DGKH: variants seen among roughly 807,000 people sequenced by gnomAD.
The protein encoded by DGKH is DAG kinase eta.
A neutral mutation model predicts 159.3 loss-of-function variants in DGKH; 90 were observed. The observed-to-expected ratio is 0.57, with a 90% CI of 0.48 to 0.67. The LOEUF (loss-of-function observed/expected upper bound fraction) is 0.67, where lower values mean the gene tolerates loss of function less well. Ranked by LOEUF, DGKH falls within the 30% of genes least tolerant of loss-of-function variation. The pLI, the probability that DGKH is intolerant of heterozygous loss-of-function variation, is 0.00. For synonymous variants in DGKH, 536 were observed against 553.8 expected (o/e 0.97, Z 0.45); for missense variants, 1,181 against 1,506.1 (o/e 0.78, Z 3.57).
intron 1 of DGKH, among the ~76,000 whole-genome samples, chr13:42,102,989 A>G (rs1954680007): frequency 6.6e-6 from 1 of 152,228 alleles, no homozygotes; most frequent in Non-Finnish European, 1.5e-5. Context: ...TGTGTTGAGA[A>G]TTAAGAAGTA....
chr13:42,161,781 C>CAAAAAAA (rs34855614), intron 7 of DGKH, among the ~76,000 whole-genome samples: 1 of 100,572 alleles, frequency 9.9e-6, no homozygotes, highest in Non-Finnish European at 2.1e-5. Context: ...CTCTGCCTCT[C>CAAAAAAA]AAAAAAAAAA....
At chr13:42,053,632 T>A (rs967688279) in intron 1 of DGKH, among the ~76,000 whole-genome samples, 3 of 144,378 alleles carry the variant, frequency 2.1e-5, no homozygotes, top group Non-Finnish European at 3.0e-5. Flanking sequence ...ATATATATAT[T>A]TTTTTGAGAC....
upstream of DGKH, among the ~76,000 whole-genome samples, chr13:42,046,986 C>T (rs1405604949): frequency 6.6e-6 from 1 of 152,054 alleles, no homozygotes; most frequent in African/African-American, 2.4e-5. Flanking sequence ...GAATGAAGGC[C>T]ATTATTTTGA....
chr13:42,067,668 A>C (rs533328601), intron 1 of DGKH, among the ~76,000 whole-genome samples: 1 of 151,914 alleles, frequency 6.6e-6, no homozygotes, highest in East Asian at 1.9e-4. Flanking sequence ...TTAATAGTAC[A>C]TTTCTTGCTT....
At chr13:42,109,971 C>T (rs1022871842) in intron 1 of DGKH, among the ~76,000 whole-genome samples, 2 of 152,034 alleles carry the variant, frequency 1.3e-5, no homozygotes, top group Admixed American at 1.3e-4. Flanking sequence ...ATCTATCTAT[C>T]TATGTATCTA....
chr13:42,210,584 A>G lies in DGKH; in HGVS notation c.2851-18A>G. ...GAGTTCTAAACTAACAATTCGTTAC[A>G]ATATTGACTTTAAATAGGCCTTTGA... On this transcript the variant is annotated intron_variant, in intron 23 of 29. Coordinates refer to ENST00000337343, the MANE Select transcript of DGKH (RefSeq NM_178009.5). 2 of 1,608,250 alleles carry G rather than the reference A, an allele frequency of 1.2e-6. No homozygotes were observed. The highest frequency in any genetic ancestry group is 1.7e-6 in the Non-Finnish European group (2 of 1,178,072).
At chr13:42,183,222 G>A (rs979444468) in intron 13 of DGKH, among the ~76,000 whole-genome samples, 16 of 151,854 alleles carry the variant, frequency 1.1e-4, no homozygotes, top group African/African-American at 3.6e-4. Flanking sequence ...ATGAGAGTTC[G>A]AGGCTGCAGT....
intron 1 of DGKH, among the ~76,000 whole-genome samples, chr13:42,110,402 C>T (rs1249470528): frequency 3.3e-5 from 5 of 152,166 alleles, no homozygotes; most frequent in Admixed American, 1.3e-4. Flanking sequence ...AAAAAACAAA[C>T]GTGATGTCTA....
intron 3 of DGKH, among the ~76,000 whole-genome samples, chr13:42,129,921 T>C (rs1955254873): frequency 6.6e-6 from 1 of 152,210 alleles, no homozygotes; most frequent in African/African-American, 2.4e-5. Flanking sequence ...TTAATTCCAT[T>C]GTTCTTGAAT....
At chr13:42,087,084 C>CACACACACACACA (rs398038514) in intron 1 of DGKH, among the ~76,000 whole-genome samples, 8 of 145,412 alleles carry the variant, frequency 5.5e-5, no homozygotes, top group Admixed American at 1.4e-4. Flanking sequence ...CACACACACA[C>CACACACACACACA]CTCAGAACAG....
intron 1 of DGKH, among the ~76,000 whole-genome samples, chr13:42,067,110 G>T (rs1408195101): frequency 6.6e-6 from 1 of 152,096 alleles, no homozygotes; most frequent in African/African-American, 2.4e-5. Context: ...CCAGAGGTTT[G>T]CAGGAACCTA....
At chr13:42,089,382 T>G (rs1465479975) in intron 1 of DGKH, among the ~76,000 whole-genome samples, 1 of 152,250 alleles carries the variant, frequency 6.6e-6, no homozygotes, top group Admixed American at 6.5e-5. Context: ...GTTTTCATTT[T>G]TTATGGCTAT....
At chr13:42,088,041 A>G (rs1388861319) in intron 1 of DGKH, among the ~76,000 whole-genome samples, 1 of 152,194 alleles carries the variant, frequency 6.6e-6, no homozygotes, top group Non-Finnish European at 1.5e-5. Flanking sequence ...GACAGATTTT[A>G]TGTAGAACAA....
intron 11 of DGKH, 73 bp from the exon 12 acceptor site, chr13:42,173,987 G>GCT: frequency 9.7e-7 from 1 of 1,026,244 alleles, no homozygotes; most frequent in Non-Finnish European, 1.5e-6. Context: ...GTGTGTGCGC[G>GCT]TTTATGAGAT....
chr13:42,088,471 A>G (rs1001509046), intron 1 of DGKH, among the ~76,000 whole-genome samples: 2 of 152,176 alleles, frequency 1.3e-5, no homozygotes, highest in Non-Finnish European at 2.9e-5. Context: ...ATAGCAGTAG[A>G]ACAAAGGAGG....
chr13:42,053,763 C>T (rs941384786), intron 1 of DGKH, among the ~76,000 whole-genome samples: 6 of 151,794 alleles, frequency 4.0e-5, no homozygotes, highest in African/African-American at 1.5e-4. Flanking sequence ...GGACTACAGG[C>T]GCATGCCACC....
chr13:42,053,524 ATAACTATATAT>A, intron 1 of DGKH, among the ~76,000 whole-genome samples: 1 of 64,286 alleles, frequency 1.6e-5, no homozygotes, highest in Admixed American at 1.1e-4. Context: ...ATAACTATAT[ATAACTATATAT>A]GTATATATAT....
chr13:42,060,991 G>A (rs944114032), intron 1 of DGKH, among the ~76,000 whole-genome samples: 1 of 152,152 alleles, frequency 6.6e-6, no homozygotes, highest in East Asian at 1.9e-4. Context: ...TGGACACACA[G>A]GAGGAGTTTA....
upstream of DGKH, among the ~76,000 whole-genome samples, chr13:42,048,518 C>T (rs913165267): frequency 2.0e-5 from 3 of 152,174 alleles, no homozygotes; most frequent in African/African-American, 7.2e-5. This position sits in a 1 kb window ranked among gnomAD's most constrained non-coding sequence, Gnocchi z 6.7. Context: ...GGGTCCGAGG[C>T]GGGCGGGGGT....
Sources: gnomAD v4.1 joint callset for allele counts (sites outside exome capture counted in the v4.1 genomes callset) on GRCh38, gnomAD v4.1.1 for gene constraint, Gnocchi (gnomAD v3.1) non-coding constraint, MANE v1.5 for transcripts, NCBI Gene and HGNC (gene_info 2026-07-23, HGNC 2026-07-21) for gene names.